NALCN: variants seen among roughly 807,000 people sequenced by gnomAD.
The protein encoded by NALCN is sodium leak channel NALCN.
NALCN carries 111 observed loss-of-function variants against 225.3 expected under a neutral mutation model. The observed-to-expected ratio is 0.49, with a 90% confidence interval of 0.42 to 0.58. The LOEUF (loss-of-function observed/expected upper bound fraction) is 0.58. NALCN is among the 20% of genes least tolerant of loss of function. The pLI is 0.00. For synonymous variants in NALCN, 764 were observed against 769.0 expected, an observed-to-expected ratio of 0.99 and a Z score of 0.11; for missense variants, 1,378 against 2,202.4, an observed-to-expected ratio of 0.63 and a Z score of 7.49.
chr13:101,388,240 A>G (rs1410517908), intron 3 of NALCN, among the ~76,000 whole-genome samples: 2 of 152,190 alleles, frequency 1.3e-5, no homozygotes, highest in African/African-American at 4.8e-5. Flanking sequence ...GTTAGCTAGC[A>G]TTTAAACATA....
intron 3 of NALCN, among the ~76,000 whole-genome samples, chr13:101,383,208 G>A (rs899959190): frequency 6.6e-6 from 1 of 152,066 alleles, no homozygotes; most frequent in African/African-American, 2.4e-5. Flanking sequence ...CCTTAACTCA[G>A]GCGTCATGCA....
At chr13:101,387,135 G>A (rs1594771434) in intron 3 of NALCN, among the ~76,000 whole-genome samples, 1 of 150,120 alleles carries the variant, frequency 6.7e-6, no homozygotes, top group East Asian at 2.0e-4. Context: ...GCAGGAGAAT[G>A]GCGTGAACCC....
chr13:101,076,755 A>G (rs1030697448), intron 34 of NALCN, among the ~76,000 whole-genome samples: 21 of 152,324 alleles, frequency 1.4e-4, no homozygotes, highest in African/African-American at 4.3e-4. Flanking sequence ...TTCCAAGACC[A>G]AAGAGGTTCT....
intron 26 of NALCN, 39 bp from the exon 27 acceptor site, chr13:101,100,927 G>C (rs2034775734): frequency 9.2e-6 from 14 of 1,528,474 alleles, no homozygotes; most frequent in Non-Finnish European, 1.3e-5. Flanking sequence ...TCTTGTTAAA[G>C]ACTAAATATT....
At chr13:101,067,067 T>G (rs2139433396) in intron 39 of NALCN, among the ~76,000 whole-genome samples, 1 of 151,954 alleles carries the variant, frequency 6.6e-6, no homozygotes, top group South Asian at 2.1e-4. Flanking sequence ...GCTCTGTGAG[T>G]ACAGGAGCTG....
At chr13:101,199,628 A>C (rs1189486885) in intron 13 of NALCN, among the ~76,000 whole-genome samples, 1 of 116,766 alleles carries the variant, frequency 8.6e-6, no homozygotes, top group Non-Finnish European at 1.6e-5. Context: ...GAAGGGGAAC[A>C]TCACACACTG....
chr13:101,368,274 A>G (rs1437017736), intron 6 of NALCN, among the ~76,000 whole-genome samples: 1 of 150,990 alleles, frequency 6.6e-6, no homozygotes, highest in Non-Finnish European at 1.5e-5. Flanking sequence ...TGTTCTTGCG[A>G]TAGTTTACTG....
intron 13 of NALCN, among the ~76,000 whole-genome samples, chr13:101,202,619 C>T (rs2040165799): frequency 6.6e-6 from 1 of 152,136 alleles, no homozygotes; most frequent in African/African-American, 2.4e-5. Flanking sequence ...CCATGGCTGC[C>T]CCTAGCCATC....
At chr13:101,409,680 G>T (rs991025059) in intron 1 of NALCN, among the ~76,000 whole-genome samples, 2 of 152,122 alleles carry the variant, frequency 1.3e-5, no homozygotes, top group Non-Finnish European at 2.9e-5. Flanking sequence ...TAAAACAGTG[G>T]TTTTCAAAAT....
intron 6 of NALCN, among the ~76,000 whole-genome samples, chr13:101,345,666 C>A (rs1429228069): frequency 7.1e-6 from 1 of 141,336 alleles, no homozygotes; most frequent in Non-Finnish European, 1.5e-5. Flanking sequence ...CCTTGAGAGA[C>A]CTTTGCTCTT....
At chr13:101,062,358 T>A (rs1212697830) in intron 40 of NALCN, among the ~76,000 whole-genome samples, 1 of 151,970 alleles carries the variant, frequency 6.6e-6, no homozygotes, top group Non-Finnish European at 1.5e-5. Context: ...ACTAAGTGAG[T>A]TAATATCTGT....
At chr13:101,397,067 T>C (rs1218075662) in intron 2 of NALCN, among the ~76,000 whole-genome samples, 361 of 44,136 alleles carry the variant, frequency 8.2e-3, no homozygotes, top group Non-Finnish European at 0.023. Flanking sequence ...ATGAATGTAT[T>C]ATATATATAT....
chr13:101,344,871 G>C (rs116591944), intron 7 of NALCN, among the ~76,000 whole-genome samples: 3,073 of 152,202 alleles, frequency 0.02, 110 homozygotes, highest in African/African-American at 0.07. Flanking sequence ...TAGTATTACA[G>C]TTTTTAAGAC....
chr13:101,324,357 C>G (rs976449090), intron 7 of NALCN, among the ~76,000 whole-genome samples: 3 of 152,138 alleles, frequency 2.0e-5, no homozygotes, highest in Non-Finnish European at 4.4e-5. Flanking sequence ...AACACTAAAA[C>G]TTTGTAACAC....
rs1158771233 is a variant in NALCN at position 101,068,789 on chromosome 13, G to T, written c.4236C>A (p.Tyr1412Ter). ...PPFCTPDEFT[Y>*]WATDCGNYAG... is the part of the protein sequence containing the mutation. Reference sequence around the variant, plus strand: ...CATAATTTCCACAGTCTGTTGCCCAGTATGTAAATTCATCTGGAGTACAAA... The same window carrying T: ...CATAATTTCCACAGTCTGTTGCCCATTATGTAAATTCATCTGGAGTACAAA... Residue 1412 changes from tyrosine to a stop codon, truncating the protein, a stop_gained, in exon 38 of 44, where the codon TAC (tyrosine) becomes TAA (stop). Transcript: ENST00000251127. LOFTEE classifies it high-confidence loss of function. The T allele has an allele frequency of 6.2e-7, 1 of 1,611,802 alleles. No homozygotes were observed. Among genetic ancestry groups the T allele is most frequent in the African/African-American group, 1.3e-5 (1 of 74,898 alleles).
intron 7 of NALCN, among the ~76,000 whole-genome samples, chr13:101,342,292 G>C (rs1284837058): frequency 6.6e-6 from 1 of 152,156 alleles, no homozygotes; most frequent in African/African-American, 2.4e-5. Context: ...GATGGTGCTT[G>C]AGAATCTGTT....
chr13:101,236,005 C>T (rs948044765), intron 12 of NALCN, among the ~76,000 whole-genome samples: 3 of 152,078 alleles, frequency 2.0e-5, no homozygotes, highest in African/African-American at 7.2e-5. Context: ...CTTTAAAATT[C>T]TACTGTCATT....
At position 101,091,776 on chromosome 13, in the gene NALCN, T is replaced by C. The variant is rs549530114; in HGVS notation, c.3270-1810A>G. Among the ~76,000 whole-genome samples the C allele has an allele frequency of 5.9e-5, 9 of 152,280 alleles. No individual in the cohort carries two copies. In the South Asian group the frequency reaches 1.9e-3, roughly 32 times the overall value. On this transcript the variant is annotated intron_variant, in intron 28 of 43. Coordinates refer to ENST00000251127, the MANE Select transcript of NALCN (RefSeq NM_052867.4). ...GGTGTTGGACTTCCTTACCTGCTCATTTTCTTTTGTAGAAGTGCTTTCTTA... is the reference window on the plus strand; with the variant it reads ...GGTGTTGGACTTCCTTACCTGCTCACTTTCTTTTGTAGAAGTGCTTTCTTA...
At chr13:101,273,219 A>C (rs1428943672) in intron 10 of NALCN, among the ~76,000 whole-genome samples, 10 of 152,206 alleles carry the variant, frequency 6.6e-5, no homozygotes. Flanking sequence ...CCTGAGCAGC[A>C]GCGGGAAAAC....
Sources: gnomAD v4.1 joint callset for allele counts (sites outside exome capture counted in the v4.1 genomes callset) on GRCh38, gnomAD v4.1.1 for gene constraint, MANE v1.5 for transcripts, NCBI Gene and HGNC (gene_info 2026-07-23, HGNC 2026-07-21) for gene names.